Variants in TG observed in about 807,000 individuals in gnomAD.
The protein encoded by TG is thyroglobulin.
Under a neutral mutation model 324.7 loss-of-function variants are expected in TG, and 270 were observed. That is an observed-to-expected ratio of 0.83 (90% CI 0.75 to 0.92). TG has a LOEUF of 0.92. Among genes scored for constraint, TG ranks in the 40% least tolerant of loss-of-function variants. The pLI, the probability that TG is intolerant of heterozygous loss-of-function variation, is 0.00. For missense variants in TG, 3,591 were observed against 3,456.4 expected, an observed-to-expected ratio of 1.04 and a Z score of -0.98; for synonymous variants, 1,401 against 1,327.0, an observed-to-expected ratio of 1.06 and a Z score of -1.21.
chr8:132,920,840 A>G (rs771933643), intron 21 of TG, among the ~76,000 whole-genome samples: 7 of 152,246 alleles, frequency 4.6e-5, no homozygotes, highest in African/African-American at 7.2e-5. Context: ...GGTGGAGCCA[A>G]TGATAACTCA....
intron 45 of TG, among the ~76,000 whole-genome samples, chr8:133,128,349 A>G (rs1851692905): frequency 6.8e-6 from 1 of 146,006 alleles, no homozygotes; most frequent in African/African-American, 2.7e-5. Flanking sequence ...ACACACACAC[A>G]CACACACACA....
chr8:133,068,567 T>G (rs1004469755), intron 41 of TG, among the ~76,000 whole-genome samples: 8 of 152,234 alleles, frequency 5.3e-5, no homozygotes, highest in African/African-American at 1.9e-4. Flanking sequence ...CATATGTGCC[T>G]TCCTGGGTGT....
chr8:132,973,743 A>G (rs1004583453), intron 34 of TG, among the ~76,000 whole-genome samples: 4 of 152,188 alleles, frequency 2.6e-5, no homozygotes, highest in Non-Finnish European at 4.4e-5. Flanking sequence ...GCAAATTCAC[A>G]AAGATGTCCC....
rs35161639 is a variant in TG, at chr8:132,988,064, G to GCACACACACACA, written c.6262+4680_6262+4691dup. On this transcript the variant is annotated intron_variant, in intron 35 of 47. Transcript: ENST00000220616. ...GAATGGGCAGCTTGTACATACACAT[G>GCACACACACACA]CACACACACACACACACACACACAC... 1.7e-3 allele frequency among the ~76,000 whole-genome samples: 234 copies of GCACACACACACA among 134,644 alleles called. 4 individuals carry two copies. Among genetic ancestry groups the GCACACACACACA allele is most frequent in the South Asian group, 6.5e-3 (25 of 3,828 alleles). The allele number at this position is 134,644 out of a possible 152,430, so 88.3% of individuals were successfully genotyped here. A position where few individuals can be genotyped will look rare whatever the true frequency, so the allele number is the denominator to read the frequency against.
chr8:132,901,240 G>C (rs532366264), intron 15 of TG, 113 bp from the exon 16 acceptor site: 60 of 1,262,360 alleles, frequency 4.8e-5, no homozygotes, highest in Non-Finnish European at 6.8e-5. Flanking sequence ...CCCCTGGAAG[G>C]CCCTGCAGGC....
chr8:132,898,306 T>A, intron 13 of TG, 60 bp downstream of exon 13: 2 of 1,500,492 alleles, frequency 1.3e-6, no homozygotes, highest in Non-Finnish European at 1.8e-6. Flanking sequence ...ACTGGTCTAG[T>A]CAGCTGTGGT....
At chr8:133,040,218 C>A in intron 41 of TG, 2 of 1,413,798 alleles carry the variant, frequency 1.4e-6, no homozygotes, top group Non-Finnish European at 1.9e-6. Flanking sequence ...TCCAGTGCAG[C>A]TCCCTGGCTG....
intron 2 of TG, 90 bp downstream of exon 2, chr8:132,868,313 G>T: frequency 8.5e-7 from 1 of 1,178,094 alleles, no homozygotes; most frequent in Non-Finnish European, 1.2e-6. Flanking sequence ...GCTCTGCCCT[G>T]CAACTCCTTT....
chr8:133,043,713 G>C (rs765994665), intron 41 of TG, among the ~76,000 whole-genome samples: 1 of 152,092 alleles, frequency 6.6e-6, no homozygotes, highest in Non-Finnish European at 1.5e-5. Context: ...ACTGCTTCTC[G>C]TGGGCCAGCT....
intron 34 of TG, among the ~76,000 whole-genome samples, chr8:132,976,246 A>G (rs1564027704): frequency 6.6e-6 from 1 of 152,336 alleles, no homozygotes; most frequent in East Asian, 1.9e-4. Context: ...TCAGTTCTGG[A>G]GACTGGAGAG....
At chr8:133,099,837 TCTG>T (rs1181502458) in intron 43 of TG, among the ~76,000 whole-genome samples, 5 of 152,168 alleles carry the variant, frequency 3.3e-5, no homozygotes, top group African/African-American at 9.7e-5. Context: ...CCCTACCTCT[TCTG>T]CTATCACCCT....
At position 133,134,562 on chromosome 8, in the gene TG, C is replaced by T. The variant is rs536811115; in HGVS notation, c.8189-114C>T. On this transcript the variant is annotated intron_variant, in intron 47 of 47. Transcript: ENST00000220616. ...CCAGTGGAAAATTCCCTCTAAAGGG[C>T]ATTAGCAAGAAATGTCCACTGGAGG... is the stretch of plus-strand genomic sequence containing the variant. 20 of 962,296 alleles carry T rather than the reference C, an allele frequency of 2.1e-5. No individual in the cohort carries two copies. The African/African-American group carries it at 3.2e-4, about 15-fold the overall frequency. 59.6% of individuals were successfully genotyped at this position (962,296 alleles called of 1,614,324 possible). A position where few individuals can be genotyped will look rare whatever the true frequency, so the allele number is the denominator to read the frequency against.
intron 1 of TG, among the ~76,000 whole-genome samples, chr8:132,867,617 G>A (rs1587146663): frequency 6.7e-6 from 1 of 149,834 alleles, no homozygotes; most frequent in Admixed American, 6.7e-5. Context: ...TGTGTTACAA[G>A]AGTTCTCAAT....
Position 132,994,598 on chromosome 8 carries a change from T to A in TG, c.6262+11186T>A, listed in dbSNP as rs768622214. ...GGCTAGTGCTACACAAAGTTTTTTT[T>A]AAATGATCCTTCAGTCATCCATTCA... On this transcript the variant is annotated intron_variant, in intron 35 of 47. Transcript: ENST00000220616. 2.0e-5 allele frequency: 22 copies of A among 1,093,342 alleles called. No individual in the cohort carries two copies. The South Asian group carries it at 2.6e-4, about 13-fold the overall frequency. 67.7% of individuals were successfully genotyped at this position (1,093,342 alleles called of 1,614,324 possible). A position where few individuals can be genotyped will look rare whatever the true frequency, so the allele number is the denominator to read the frequency against.
At chr8:132,941,159 G>T (rs1824390370) in intron 25 of TG, among the ~76,000 whole-genome samples, 192 bp from the exon 26 acceptor site, 1 of 152,174 alleles carries the variant, frequency 6.6e-6, no homozygotes, top group Non-Finnish European at 1.5e-5. Context: ...CATGGCCTTG[G>T]CTGGCCCCAC....
At chr8:132,882,433 G>C in intron 6 of TG, 36 bp from the exon 7 acceptor site, 1 of 1,613,666 alleles carries the variant, frequency 6.2e-7, no homozygotes, top group Non-Finnish European at 8.5e-7. Flanking sequence ...CTTTCTGAAT[G>C]AGACCATCTC....
chr8:133,016,283 G>T (rs1419441298), intron 37 of TG, among the ~76,000 whole-genome samples: 1 of 152,178 alleles, frequency 6.6e-6, no homozygotes, highest in Non-Finnish European at 1.5e-5. Context: ...TGGGGCTGGA[G>T]TATTCTTTGT....
At chr8:133,046,174 G>C (rs962966745) in intron 41 of TG, among the ~76,000 whole-genome samples, 1 of 152,210 alleles carries the variant, frequency 6.6e-6, no homozygotes, top group Non-Finnish European at 1.5e-5. Flanking sequence ...TTGCTCTGGG[G>C]TTCCAGGAGT....
intron 16 of TG, 45 bp from the exon 17 acceptor site, chr8:132,906,643 G>A (rs1169818191): frequency 1.9e-6 from 3 of 1,608,614 alleles, no homozygotes; most frequent in African/African-American, 2.7e-5. Flanking sequence ...CAGTCGTCCC[G>A]AGGCTGGGCA....
Sources: gnomAD v4.1 joint callset for allele counts (sites outside exome capture counted in the v4.1 genomes callset) on GRCh38, gnomAD v4.1.1 for gene constraint, MANE v1.5 for transcripts, NCBI Gene and HGNC (gene_info 2026-07-23, HGNC 2026-07-21) for gene names.